ZNF486: variants seen among roughly 807,000 people sequenced by gnomAD.
ZNF486 encodes KRAB box only protein 2.
In ZNF486, 12 loss-of-function variants were observed where a neutral mutation model predicts 12.8. The ratio of observed to expected loss-of-function variants is 0.94; its 90% CI spans 0.60 to 1.52. ZNF486 has a LOEUF of 1.52. Ranked by LOEUF, ZNF486 falls within the 40% of genes most tolerant of loss-of-function variation. The pLI is 0.00. For synonymous variants in ZNF486, 231 were observed against 184.9 expected (o/e 1.25, Z -2.02); for missense variants, 738 against 545.0 (o/e 1.35, Z -3.53).
chr19:20,191,853 T>C (rs2089906610), intron 3 of ZNF486, among the ~76,000 whole-genome samples: 2 of 152,176 alleles, frequency 1.3e-5, no homozygotes, highest in South Asian at 4.1e-4. Context: ...TAATGTTGCG[T>C]AAGTTGTCTG....
At chr19:20,190,579 C>T (rs2089892447) in intron 3 of ZNF486, among the ~76,000 whole-genome samples, 2 of 152,068 alleles carry the variant, frequency 1.3e-5, no homozygotes, top group Admixed American at 6.6e-5. Context: ...GTGTTAGGAT[C>T]TCATTATGTT....
chr19:20,174,030 A>G (rs1555714302), intron 1 of ZNF486, among the ~76,000 whole-genome samples: 1 of 152,096 alleles, frequency 6.6e-6, no homozygotes, highest in African/African-American at 2.4e-5. Flanking sequence ...CAAAAAGTTT[A>G]TTTTTTAATT....
chr19:20,171,865 C>G (rs1384766809), intron 1 of ZNF486, among the ~76,000 whole-genome samples: 1 of 152,162 alleles, frequency 6.6e-6, no homozygotes, highest in African/African-American at 2.4e-5. Context: ...TCCTCTTAGT[C>G]CTCACACCCT....
At chr19:20,169,818 A>C (rs1168443616) in intron 1 of ZNF486, among the ~76,000 whole-genome samples, 1 of 150,594 alleles carries the variant, frequency 6.6e-6, no homozygotes, top group Non-Finnish European at 1.5e-5. Flanking sequence ...AAAAAGTCAG[A>C]TTTTAGCTCA....
chr19:20,172,166 G>GTA, intron 1 of ZNF486, among the ~76,000 whole-genome samples: 1 of 151,026 alleles, frequency 6.6e-6, no homozygotes, highest in Non-Finnish European at 1.5e-5. Context: ...ACCATGTCTA[G>GTA]CTAATTTTGT....
intron 1 of ZNF486, 89 bp downstream of exon 1, chr19:20,167,449 G>A (rs2089596716): frequency 6.8e-7 from 1 of 1,468,960 alleles, no homozygotes; most frequent in Admixed American, 1.9e-5. Flanking sequence ...CCCGTAGTCA[G>A]CTCCACAATC....
chr19:20,170,422 C>T (rs1292534627), intron 1 of ZNF486, among the ~76,000 whole-genome samples: 1 of 151,940 alleles, frequency 6.6e-6, no homozygotes, highest in Non-Finnish European at 1.5e-5. Flanking sequence ...CAAAAATTAG[C>T]CAAGCGTCTT....
At chr19:20,192,255 G>A (rs913136481) in intron 3 of ZNF486, among the ~76,000 whole-genome samples, 1 of 152,042 alleles carries the variant, frequency 6.6e-6, no homozygotes, top group East Asian at 1.9e-4. Context: ...CATACTGTAT[G>A]CTTTTAAAGA....
At chr19:20,182,928 G>A (rs988814430) in intron 1 of ZNF486, among the ~76,000 whole-genome samples, 2 of 152,098 alleles carry the variant, frequency 1.3e-5, no homozygotes, top group African/African-American at 4.8e-5. Context: ...CTCTTCTTAA[G>A]GTAAACGTGT....
chr19:20,176,804 GGGAGA>G (rs1234270465), intron 1 of ZNF486: 1 of 152,928 alleles, frequency 6.5e-6, no homozygotes, highest in Non-Finnish European at 1.5e-5. Context: ...CGGCATCAGA[GGGAGA>G]CTGTGGGGAG....
At chr19:20,186,878 G>C (rs782406137) in intron 3 of ZNF486, among the ~76,000 whole-genome samples, 3 of 146,544 alleles carry the variant, frequency 2.0e-5, no homozygotes, top group African/African-American at 2.6e-5. Context: ...CTGCCTCCTG[G>C]GTTCAAGCAA....
In ZNF486 at chr19:20,186,047, C is replaced by A. The variant is rs1555716374; in HGVS notation, c.218C>A (p.Thr73Asn). The change falls in exon 3 of 4, where the codon ACT (threonine) becomes AAT (asparagine). Residue 73 changes from threonine to asparagine, a missense_variant. Transcript: ENST00000335117. ...TCLEQGIKPL[T>N]MKRHEMIAKP... is the part of the protein sequence containing the mutation. ...CTGGAGCAAGGAATAAAACCTCTGACTATGAAGAGACATGAGATGATTGCC... is the reference window on the plus strand; with the variant it reads ...CTGGAGCAAGGAATAAAACCTCTGAATATGAAGAGACATGAGATGATTGCC... 6.3e-7 allele frequency: 1 copy of A among 1,594,606 alleles called. No individual in the cohort carries two copies. Among genetic ancestry groups the A allele is most frequent in the South Asian group, 1.1e-5 (1 of 87,598 alleles).
At chr19:20,195,943 C>G (rs2089954169) in intron 3 of ZNF486, among the ~76,000 whole-genome samples, 1 of 152,052 alleles carries the variant, frequency 6.6e-6, no homozygotes, top group South Asian at 2.1e-4. Context: ...CTAAAAAAGC[C>G]CCTAGAAGAC....
rs2089999445 is a variant in ZNF486, at chr19:20,200,139, C to T, written c.*2037C>T. ...CTGAAAAGTGGGTAATGACATAATA[C>T]AGCTTTCAAATTACTTTATGCTGTT... On this transcript the variant is annotated 3_prime_UTR_variant, in exon 4 of 4. Coordinates refer to ENST00000335117, the MANE Select transcript of ZNF486 (RefSeq NM_052852.4). 1 of 149,798 alleles carries T rather than the reference C, an allele frequency of 6.7e-6. No individual in the cohort carries two copies. Among genetic ancestry groups the T allele is most frequent in the African/African-American group, 2.5e-5 (1 of 39,240 alleles). The allele number at this position is 149,798 out of a possible 1,614,324, so 9.3% of individuals were successfully genotyped here.
chr19:20,167,268 G>A lies in ZNF486; in HGVS notation c.-63G>A. ...GCCTCTTCGCTACTCTGTGTCCTCTGCTCCTAGAGGCCCACCCTCTGTGGC... is the reference window on the plus strand; with the variant it reads ...GCCTCTTCGCTACTCTGTGTCCTCTACTCCTAGAGGCCCACCCTCTGTGGC... On this transcript the variant is annotated 5_prime_UTR_variant, in exon 1 of 4. Transcript: ENST00000335117. The A allele has an allele frequency of 6.2e-7, 1 of 1,605,486 alleles. No individual in the cohort carries two copies. The highest frequency in any genetic ancestry group is 8.5e-7 in the Non-Finnish European group (1 of 1,172,182).
chr19:20,193,569 G>C (rs1189718338), intron 3 of ZNF486, among the ~76,000 whole-genome samples: 2 of 151,976 alleles, frequency 1.3e-5, no homozygotes, highest in African/African-American at 4.8e-5. Context: ...GCTGAAGCAG[G>C]AGAATTGCTT....
intron 1 of ZNF486, among the ~76,000 whole-genome samples, chr19:20,169,887 T>A (rs1250479172): frequency 7.2e-6 from 1 of 139,684 alleles, no homozygotes; most frequent in East Asian, 2.0e-4. Context: ...TGGGGTTGTA[T>A]GTTTTTTTTT....
At position 20,167,309 on chromosome 19, in the gene ZNF486, T is replaced by A. The variant is rs2089594247; in HGVS notation, c.-22T>A. The A allele has an allele frequency of 6.2e-7, 1 of 1,613,752 alleles. No individual in the cohort carries two copies. Among genetic ancestry groups the A allele is most frequent in the African/African-American group, 1.3e-5 (1 of 74,846 alleles). ...CCTCTGTGGCCCTGTGTCCTGTAGG[T>A]ATTGGGAGATCCACAGCCAAGATGC... On this transcript the variant is annotated 5_prime_UTR_variant, in exon 1 of 4. Transcript: ENST00000335117.
At chr19:20,175,640 G>A (rs1045123840) in intron 1 of ZNF486, among the ~76,000 whole-genome samples, 55 of 152,096 alleles carry the variant, frequency 3.6e-4, no homozygotes, top group Non-Finnish European at 5.9e-4. Flanking sequence ...GAGAGCACAG[G>A]GTTGGGGGTA....
Sources: gnomAD v4.1 joint callset for allele counts (sites outside exome capture counted in the v4.1 genomes callset) on GRCh38, gnomAD v4.1.1 for gene constraint, MANE v1.5 for transcripts, NCBI Gene and HGNC (gene_info 2026-07-23, HGNC 2026-07-21) for gene names.